Variants in HTR1E observed in about 807,000 individuals in gnomAD.
The protein encoded by HTR1E is 5-HT-1E.
HTR1E carries 3 observed loss-of-function variants against 3.4 expected under a neutral mutation model. That is an observed-to-expected ratio of 0.89 (90% confidence interval 0.41 to 2.31). HTR1E has a LOEUF of 2.31. Ranked by LOEUF, HTR1E falls within the 30% of genes most tolerant of loss-of-function variation. The pLI, the probability that HTR1E is intolerant of heterozygous loss-of-function variation, is 0.05. For synonymous variants in HTR1E, 170 were observed against 182.8 expected, an observed-to-expected ratio of 0.93 and a Z score of 0.56; for missense variants, 392 against 467.0, an observed-to-expected ratio of 0.84 and a Z score of 1.48.
At chr6:87,005,872 C>A (rs1287686840) in intron 1 of HTR1E, among the ~76,000 whole-genome samples, 1 of 152,066 alleles carries the variant, frequency 6.6e-6, no homozygotes, top group East Asian at 1.9e-4. Context: ...ATATAAGGAG[C>A]TCAAACAACT....
At chr6:86,993,985 T>C (rs1410209034) in intron 1 of HTR1E, among the ~76,000 whole-genome samples, 2 of 151,980 alleles carry the variant, frequency 1.3e-5, no homozygotes, top group African/African-American at 4.8e-5. Flanking sequence ...AAAAATACAA[T>C]AACTGAAATT....
intron 1 of HTR1E, among the ~76,000 whole-genome samples, chr6:86,947,211 ATAAT>A (rs542005510): frequency 5.8e-4 from 89 of 152,300 alleles, no homozygotes; most frequent in Middle Eastern, 3.4e-3. Flanking sequence ...TGTAATATAA[ATAAT>A]TATCCTCATT....
At chr6:86,966,033 C>T (rs557098788) in intron 1 of HTR1E, among the ~76,000 whole-genome samples, 1 of 151,752 alleles carries the variant, frequency 6.6e-6, no homozygotes, top group East Asian at 1.9e-4. Flanking sequence ...TCTCTAACAC[C>T]CACAAAAAAA....
In HTR1E at chr6:87,015,341, A is replaced by T; in HGVS notation, c.7A>T (p.Ile3Phe). The change falls in exon 2 of 2, where the codon ATC becomes TTC. Residue 3 changes from isoleucine (I) to phenylalanine (F), a missense_variant. By Grantham distance (21) the Ile-to-Phe change is conservative. This residue lies in a region of HTR1E where 189 missense variants were observed against 258.0 expected (regional missense o/e 0.73). Coordinates refer to ENST00000305344, the MANE Select transcript of HTR1E (RefSeq NM_000865.3). MN[I>F]TNCTTEASMA... ...AGACTGAAACAAGGGAAACATGAAC[A>T]TCACAAACTGTACCACAGAGGCCAG... The T allele has an allele frequency of 6.5e-7, 1 of 1,548,858 alleles. No homozygotes were observed. The highest frequency in any genetic ancestry group is 1.2e-5 in the South Asian group (1 of 82,296).
At chr6:86,947,083 T>C (rs1432799776) in intron 1 of HTR1E, among the ~76,000 whole-genome samples, 3 of 151,652 alleles carry the variant, frequency 2.0e-5, no homozygotes, top group East Asian at 3.9e-4. Flanking sequence ...GCCATTGCAC[T>C]CCAGCCTGGG....
rs572631933 is a variant in HTR1E, at chr6:86,982,554, G to A, written c.-185-32596G>A. 6.6e-5 allele frequency among the ~76,000 whole-genome samples: 10 copies of A among 152,292 alleles called. No homozygotes were observed. In the South Asian group the frequency reaches 2.1e-3, roughly 32 times the overall value. On this transcript the variant is annotated intron_variant, in intron 1 of 1. Transcript: ENST00000305344. ...AGGGGTCTGGGGCAGGCACTGTGGT[G>A]TGCACTGTACCTGCTCAGATTGGTG...
intron 1 of HTR1E, among the ~76,000 whole-genome samples, chr6:87,003,794 A>C (rs1768060300): frequency 6.6e-6 from 1 of 152,154 alleles, no homozygotes; most frequent in South Asian, 2.1e-4. Flanking sequence ...AGTGAAATTG[A>C]AACAAAAAAT....
At chr6:86,961,141 G>C (rs977586083) in intron 1 of HTR1E, among the ~76,000 whole-genome samples, 1 of 152,118 alleles carries the variant, frequency 6.6e-6, no homozygotes, top group Non-Finnish European at 1.5e-5. Context: ...CCAATATTTG[G>C]GGAGTCAGTT....
intron 1 of HTR1E, among the ~76,000 whole-genome samples, chr6:86,956,018 T>G (rs147497383): frequency 6.6e-6 from 1 of 152,128 alleles, no homozygotes; most frequent in Non-Finnish European, 1.5e-5. Flanking sequence ...CTCTTTGGAA[T>G]TGGGGCACAA....
At chr6:87,003,020 C>T (rs1279463804) in intron 1 of HTR1E, among the ~76,000 whole-genome samples, 3 of 152,140 alleles carry the variant, frequency 2.0e-5, no homozygotes, top group Admixed American at 6.6e-5. Flanking sequence ...CTGCAGAATA[C>T]GTATTCTTCT....
intron 1 of HTR1E, among the ~76,000 whole-genome samples, chr6:86,985,135 T>C (rs1427206063): frequency 6.6e-6 from 1 of 152,166 alleles, no homozygotes; most frequent in Non-Finnish European, 1.5e-5. Flanking sequence ...CGGCTGGCAC[T>C]TGCTGGGCCG....
In HTR1E at chr6:87,009,804, C is replaced by G. The variant is rs1391629454; in HGVS notation, c.-185-5346C>G. 5.5e-5 allele frequency among the ~76,000 whole-genome samples: 7 copies of G among 126,862 alleles called. 1 individual carries two copies. The highest frequency in any genetic ancestry group is 8.1e-5 in the Non-Finnish European group (5 of 61,422). The allele number at this position is 126,862 out of a possible 152,430, so 83.2% of individuals were successfully genotyped here. On this transcript the variant is annotated intron_variant, in intron 1 of 1. Transcript: ENST00000305344. ...GGGCTGACCTCCCCCACCTCCCTCC[C>G]GGACGGGGCGGCTGGCCGGGCGGGG... is the stretch of plus-strand genomic sequence containing the variant.
At chr6:86,978,155 G>C (rs997335367) in intron 1 of HTR1E, among the ~76,000 whole-genome samples, 1 of 152,132 alleles carries the variant, frequency 6.6e-6, no homozygotes, top group East Asian at 1.9e-4. Context: ...GGGCACATTA[G>C]TTACTTTCCC....
intron 1 of HTR1E, among the ~76,000 whole-genome samples, chr6:86,961,493 A>G (rs1238254151): frequency 2.0e-5 from 3 of 152,230 alleles, no homozygotes; most frequent in Admixed American, 6.5e-5. Context: ...ATAAAATTTT[A>G]TTATTCCCTT....
At chr6:86,987,496 T>C (rs1767806504) in intron 1 of HTR1E, among the ~76,000 whole-genome samples, 1 of 151,962 alleles carries the variant, frequency 6.6e-6, no homozygotes, top group African/African-American at 2.4e-5. Context: ...TGAGCAATAA[T>C]AGAAACATAT....
intron 1 of HTR1E, among the ~76,000 whole-genome samples, chr6:87,014,084 G>A (rs1158866925): frequency 6.6e-6 from 1 of 151,994 alleles, no homozygotes; most frequent in Non-Finnish European, 1.5e-5. Context: ...CACAGGGCAG[G>A]GAACACCACA....
chr6:86,955,915 C>T (rs1754930690), intron 1 of HTR1E, among the ~76,000 whole-genome samples: 1 of 151,758 alleles, frequency 6.6e-6, no homozygotes, highest in Admixed American at 6.6e-5. Context: ...ACTGAAACCC[C>T]CTCTCAGTCA....
At chr6:86,969,262 T>TA (rs1222748539) in intron 1 of HTR1E, among the ~76,000 whole-genome samples, 1 of 152,082 alleles carries the variant, frequency 6.6e-6, no homozygotes, top group African/African-American at 2.4e-5. Flanking sequence ...TAGTTGGAAT[T>TA]AAGAGAGCAA....
chr6:87,007,180 A>G (rs928703374), intron 1 of HTR1E, among the ~76,000 whole-genome samples: 7 of 152,244 alleles, frequency 4.6e-5, no homozygotes, highest in Admixed American at 1.3e-4. Flanking sequence ...AACAACATGA[A>G]TGGAACTGGA....
Sources: gnomAD v4.1 joint callset for allele counts (sites outside exome capture counted in the v4.1 genomes callset) on GRCh38, gnomAD v4.1.1 for gene constraint, gnomAD v4.1.1 regional missense constraint, MANE v1.5 for transcripts, NCBI Gene and HGNC (gene_info 2026-07-23, HGNC 2026-07-21) for gene names.